The following SLC6A16 variants were observed in gnomAD, a reference collection of about 807,000 sequenced individuals.
SLC6A16 encodes solute carrier family 6 member 16.
In SLC6A16, 54 loss-of-function variants were observed where a neutral mutation model predicts 65.4. That is an observed-to-expected ratio of 0.83 (90% CI 0.66 to 1.04). SLC6A16 has a LOEUF of 1.04. Ranked by LOEUF, SLC6A16 falls within the 50% of genes least tolerant of loss-of-function variation. SLC6A16 has a pLI of 0.00. For missense variants in SLC6A16, 816 were observed against 914.0 expected, an observed-to-expected ratio of 0.89 and a Z score of 1.38; for synonymous variants, 330 against 346.5, an observed-to-expected ratio of 0.95 and a Z score of 0.53.
intron 1 of SLC6A16, among the ~76,000 whole-genome samples, chr19:49,318,148 G>A (rs1600649704): frequency 6.6e-6 from 1 of 152,126 alleles, no homozygotes; most frequent in East Asian, 1.9e-4. Context: ...CACATGTATA[G>A]TATGAAACCT....
rs140210035 is a variant in SLC6A16, at chr19:49,319,474, T to C, written c.-65+5574A>G. ...ACATATACATATGTGTATATGTGTATATGTATATACATATACTTATACATA... is the reference window on the plus strand; with the variant it reads ...ACATATACATATGTGTATATGTGTACATGTATATACATATACTTATACATA... On this transcript the variant is annotated intron_variant, in intron 1 of 11. Coordinates refer to ENST00000335875, the MANE Select transcript of SLC6A16 (RefSeq NM_014037.3). Among the ~76,000 whole-genome samples, 598 of 150,824 alleles carry C rather than the reference T, an allele frequency of 4.0e-3. 3 individuals carry two copies. The highest frequency in any genetic ancestry group is 0.025 in the East Asian group (127 of 5,154).
chr19:49,293,487 G>T, intron 9 of SLC6A16, 105 bp from the exon 10 acceptor site: 1 of 1,056,868 alleles, frequency 9.5e-7, no homozygotes, highest in Non-Finnish European at 1.4e-6. Flanking sequence ...AGTGGTAGCC[G>T]GGCGAGGGGG....
chr19:49,325,235 G>A (rs1386600494), upstream of SLC6A16: 7 of 984,736 alleles, frequency 7.1e-6, no homozygotes, highest in South Asian at 1.4e-4. Context: ...CGCATGCGCC[G>A]CCGCGCCCCC....
At position 49,325,186 on chromosome 19, in the gene SLC6A16, C is replaced by A. The variant is rs556610822; in HGVS notation, c.-203G>T. ...ACAGATCGGTTTGGGCGACACCCCTCGATCTGCCTGGCGCGCGGCCTTTCC... is the reference window on the plus strand; with the variant it reads ...ACAGATCGGTTTGGGCGACACCCCTAGATCTGCCTGGCGCGCGGCCTTTCC... On this transcript the variant is annotated 5_prime_UTR_variant, in exon 1 of 12. Transcript: ENST00000335875. 5 of 985,372 alleles carry A rather than the reference C, an allele frequency of 5.1e-6. No individual in the cohort carries two copies. The East Asian group carries it at 4.5e-4, about 89-fold the overall frequency. The allele number at this position is 985,372 out of a possible 1,614,324, so 61.0% of individuals were successfully genotyped here. A position where few individuals can be genotyped will look rare whatever the true frequency, so the allele number is the denominator to read the frequency against.
At chr19:49,328,458 A>C (rs1242145150), upstream of SLC6A16, among the ~76,000 whole-genome samples, 1 of 152,210 alleles carries the variant, frequency 6.6e-6, no homozygotes, top group Non-Finnish European at 1.5e-5. Flanking sequence ...ACACAGCCAA[A>C]TCATAGCAAT....
At chr19:49,326,793 C>T (rs1023046115), upstream of SLC6A16, among the ~76,000 whole-genome samples, 21 of 151,854 alleles carry the variant, frequency 1.4e-4, no homozygotes, top group African/African-American at 3.9e-4. Context: ...CCAAGGTGGG[C>T]GGATCACATG....
intron 8 of SLC6A16, 148 bp downstream of exon 8, chr19:49,294,219 C>T: frequency 1.1e-6 from 1 of 901,892 alleles, no homozygotes. Flanking sequence ...GAAGGCCATT[C>T]CGCAAAGTAT....
chr19:49,332,880 G>A, the SLC6A16 span, among the ~76,000 whole-genome samples: 1,306 of 152,266 alleles, frequency 8.6e-3, 19 homozygotes, highest in African/African-American at 0.029. Context: ...GAAGCTGAGG[G>A]GCTGGGCGCA....
At chr19:49,337,574 C>T in the SLC6A16 span, 1 of 1,258,814 alleles carries the variant, frequency 7.9e-7, no homozygotes, top group South Asian at 1.3e-5. Context: ...GTGAGCCATG[C>T]ACTCAGCCTG....
chr19:49,297,146 T>C (rs1970201486), intron 7 of SLC6A16, among the ~76,000 whole-genome samples: 1 of 152,152 alleles, frequency 6.6e-6, no homozygotes, highest in Non-Finnish European at 1.5e-5. Flanking sequence ...CAGAATGAGA[T>C]ATAATATCCA....
At chr19:49,291,002 C>A (rs1329478761) in intron 10 of SLC6A16, among the ~76,000 whole-genome samples, 1 of 152,174 alleles carries the variant, frequency 6.6e-6, no homozygotes, top group Non-Finnish European at 1.5e-5. Flanking sequence ...TATCCAATGG[C>A]CTCAGGAGAA....
chr19:49,329,883 TCG>T (rs1264733227), upstream of SLC6A16, among the ~76,000 whole-genome samples: 1 of 152,092 alleles, frequency 6.6e-6, no homozygotes, highest in Non-Finnish European at 1.5e-5. Flanking sequence ...TCCGCCCGCC[TCG>T]GCCTCCCAAA....
chr19:49,292,257 C>T lies in SLC6A16; in HGVS notation c.1778+966G>A, dbSNP rs1271139988. ...TGGTGAATGCCTGTAATCCCAGCTA[C>T]TCAGAAGGCTGAGGGAGGAGAATTG... On this transcript the variant is annotated intron_variant, in intron 10 of 11. Transcript: ENST00000335875. This position sits in a 1 kb window ranked among gnomAD's most constrained non-coding sequence, Gnocchi z 4.3. Among the ~76,000 whole-genome samples the T allele has an allele frequency of 1.3e-5, 2 of 152,134 alleles. No homozygotes were observed. Among genetic ancestry groups the T allele is most frequent in the African/African-American group, 2.4e-5 (1 of 41,414 alleles).
At chr19:49,306,575 A>G (rs114993852) in intron 7 of SLC6A16, among the ~76,000 whole-genome samples, 1 of 134,590 alleles carries the variant, frequency 7.4e-6, no homozygotes, top group Non-Finnish European at 1.5e-5. Flanking sequence ...AGAGAGTCTC[A>G]CTCTGTTGCC....
At chr19:49,305,360 G>C (rs1213605151) in intron 7 of SLC6A16, among the ~76,000 whole-genome samples, 3 of 152,164 alleles carry the variant, frequency 2.0e-5, no homozygotes, top group Non-Finnish European at 4.4e-5. Context: ...GGGAGGCCAA[G>C]GTGGGTGGAT....
upstream of SLC6A16, chr19:49,325,278 T>TA (rs751945779): frequency 2.0e-6 from 2 of 980,044 alleles, no homozygotes; most frequent in Admixed American, 1.2e-4. Flanking sequence ...GCAAACACTG[T>TA]AACCACTTCG....
the SLC6A16 span, among the ~76,000 whole-genome samples, chr19:49,332,739 T>A: frequency 6.6e-6 from 1 of 152,232 alleles, no homozygotes; most frequent in Non-Finnish European, 1.5e-5. Flanking sequence ...CAACCCACTA[T>A]AATCAGCTAT....
intron 7 of SLC6A16, among the ~76,000 whole-genome samples, chr19:49,294,942 T>A (rs1284500167): frequency 2.6e-5 from 4 of 152,144 alleles, no homozygotes; most frequent in Non-Finnish European, 5.9e-5. Flanking sequence ...TAATGTCCCA[T>A]GGAGTCGTGC....
intron 7 of SLC6A16, among the ~76,000 whole-genome samples, chr19:49,303,299 G>A (rs778364333): frequency 6.6e-6 from 1 of 152,110 alleles, no homozygotes; most frequent in Non-Finnish European, 1.5e-5. Flanking sequence ...GTCCAGGAGA[G>A]AGTAAGATGA....
Sources: gnomAD v4.1 joint callset for allele counts (sites outside exome capture counted in the v4.1 genomes callset) on GRCh38, gnomAD v4.1.1 for gene constraint, Gnocchi (gnomAD v3.1) non-coding constraint, MANE v1.5 for transcripts, NCBI Gene and HGNC (gene_info 2026-07-23, HGNC 2026-07-21) for gene names.